Variants in NRG1 observed in about 807,000 individuals in gnomAD.
NRG1 encodes the protein pro-neuregulin-1, membrane-bound isoform.
NRG1 carries 18 observed loss-of-function variants against 63.8 expected under a neutral mutation model. That is an observed-to-expected ratio of 0.28 (90% CI 0.19 to 0.42). The LOEUF (loss-of-function observed/expected upper bound fraction) is 0.42. NRG1 is among the 10% of genes least tolerant of loss of function. NRG1 has a pLI of 1.00. For synonymous variants in NRG1, 302 were observed against 301.3 expected, an observed-to-expected ratio of 1.00 and a Z score of -0.02; for missense variants, 762 against 814.7, an observed-to-expected ratio of 0.94 and a Z score of 0.79.
intron 1 of NRG1, among the ~76,000 whole-genome samples, chr8:32,151,471 G>A (rs1837489534): frequency 6.6e-6 from 1 of 152,156 alleles, no homozygotes; most frequent in Non-Finnish European, 1.5e-5. Context: ...GGGAAAGTGA[G>A]TCTGGGATTG....
At chr8:32,239,707 C>G (rs922361766) in intron 1 of NRG1, among the ~76,000 whole-genome samples, 2 of 151,986 alleles carry the variant, frequency 1.3e-5, no homozygotes, top group Non-Finnish European at 2.9e-5. Flanking sequence ...CTCAAAACTC[C>G]ACAGTAAAAT....
chr8:31,794,131 G>A (rs1820973407), intron 1 of NRG1, among the ~76,000 whole-genome samples: 1 of 152,056 alleles, frequency 6.6e-6, no homozygotes, highest in African/African-American at 2.4e-5. Context: ...AGAAAGGCAT[G>A]GTTTGTATTA....
intron 1 of NRG1, among the ~76,000 whole-genome samples, chr8:31,922,061 G>T (rs1194631354): frequency 1.3e-5 from 2 of 152,124 alleles, no homozygotes; most frequent in Non-Finnish European, 2.9e-5. Context: ...TGAAATGCCA[G>T]CCCTGGAATT....
intron 1 of NRG1, among the ~76,000 whole-genome samples, chr8:31,762,669 C>A (rs1052727444): frequency 6.6e-6 from 1 of 152,040 alleles, no homozygotes; most frequent in African/African-American, 2.4e-5. Context: ...AGTTACAATG[C>A]TGGATAGCAG....
At chr8:32,371,816 G>T (rs895051157) in intron 1 of NRG1, among the ~76,000 whole-genome samples, 1 of 152,038 alleles carries the variant, frequency 6.6e-6, no homozygotes, top group Admixed American at 6.6e-5. Context: ...TCATTGTGGA[G>T]CTTCCCCAGC....
intron 1 of NRG1, among the ~76,000 whole-genome samples, chr8:31,932,495 T>C (rs768919293): frequency 6.6e-6 from 1 of 152,194 alleles, no homozygotes; most frequent in African/African-American, 2.4e-5. Context: ...CCTAGGAGGA[T>C]TGAAACATTC....
chr8:31,809,996 G>C (rs1306970701), intron 1 of NRG1, among the ~76,000 whole-genome samples: 1 of 151,866 alleles, frequency 6.6e-6, no homozygotes, highest in Non-Finnish European at 1.5e-5. Flanking sequence ...AGAAGGATGG[G>C]TCTGCTCCTT....
chr8:32,669,449 GA>G (rs1477222743), intron 5 of NRG1, among the ~76,000 whole-genome samples: 2 of 152,102 alleles, frequency 1.3e-5, no homozygotes, highest in African/African-American at 2.4e-5. Context: ...GTGGACCTCA[GA>G]AAAAGGAAAT....
intron 1 of NRG1, among the ~76,000 whole-genome samples, chr8:31,642,658 T>C (rs1803909054): frequency 6.6e-6 from 1 of 152,194 alleles, no homozygotes; most frequent in Admixed American, 6.5e-5. Flanking sequence ...TGTGGCACGT[T>C]TTAAAAAAAT....
chr8:32,254,848 G>A (rs761801992), intron 1 of NRG1, among the ~76,000 whole-genome samples: 1 of 152,066 alleles, frequency 6.6e-6, no homozygotes, highest in East Asian at 1.9e-4. Context: ...TATGAATCTG[G>A]GTGCTCCTCA....
At chr8:32,267,329 A>G (rs1363688165) in intron 1 of NRG1, among the ~76,000 whole-genome samples, 1 of 152,124 alleles carries the variant, frequency 6.6e-6, no homozygotes, top group Non-Finnish European at 1.5e-5. Flanking sequence ...AAGGCCAAAA[A>G]TCCACTATTC....
At chr8:32,698,645 C>G (rs370307403) in intron 5 of NRG1, among the ~76,000 whole-genome samples, 1 of 152,142 alleles carries the variant, frequency 6.6e-6, no homozygotes, top group East Asian at 1.9e-4. Context: ...GGAGCAAAGG[C>G]CCCTTCTTCA....
chr8:31,820,938 G>T (rs1357409847), intron 1 of NRG1, among the ~76,000 whole-genome samples: 1 of 152,084 alleles, frequency 6.6e-6, no homozygotes, highest in East Asian at 1.9e-4. Flanking sequence ...ATACCCTTGG[G>T]GAATTGGTTC....
At chr8:31,695,573 A>T (rs1809976956) in intron 1 of NRG1, among the ~76,000 whole-genome samples, 1 of 152,208 alleles carries the variant, frequency 6.6e-6, no homozygotes, top group Non-Finnish European at 1.5e-5. Flanking sequence ...ATCACTTCCC[A>T]CCAGATCCCT....
rs541887665 is a variant in NRG1 at position 31,794,764 on chromosome 8, G to A, written c.37+155333G>A. 3.3e-5 allele frequency among the ~76,000 whole-genome samples: 5 copies of A among 152,124 alleles called. No individual in the cohort carries two copies. The East Asian group carries it at 7.7e-4, about 24-fold the overall frequency. On this transcript the variant is annotated intron_variant, in intron 1 of 10. Transcript: ENST00000519301. ...GATATAGTAGTCTACCTCAGAAAGA[G>A]ATTTATTGAGTCTATGATGCTGAAT...
At chr8:32,245,846 G>A (rs1848545798) in intron 1 of NRG1, among the ~76,000 whole-genome samples, 1 of 152,066 alleles carries the variant, frequency 6.6e-6, no homozygotes, top group Non-Finnish European at 1.5e-5. Flanking sequence ...GCTATATCAA[G>A]AACTCACCAA....
chr8:31,758,019 G>T (rs1461880644), intron 1 of NRG1, among the ~76,000 whole-genome samples: 1 of 151,920 alleles, frequency 6.6e-6, no homozygotes, highest in Non-Finnish European at 1.5e-5. Flanking sequence ...TCATATAAAT[G>T]GAAACATACA....
At chr8:32,503,211 A>G (rs905285262) in intron 1 of NRG1, among the ~76,000 whole-genome samples, 1 of 141,712 alleles carries the variant, frequency 7.1e-6, no homozygotes, top group African/African-American at 2.6e-5. Flanking sequence ...GGCGTGAACC[A>G]GGGAGGCGGA....
rs1222665074 is a variant in NRG1 at position 32,616,904 on chromosome 8, T to A, written c.502+19T>A. 1 of 1,547,098 alleles carries A rather than the reference T, an allele frequency of 6.5e-7. No homozygotes were observed. The highest frequency in any genetic ancestry group is 2.2e-5 in the East Asian group (1 of 44,512). On this transcript the variant is annotated intron_variant, in intron 5 of 11. Coordinates refer to ENST00000356819, the Ensembl canonical transcript of NRG1. ...TCTTCATGTAAGTATACTTAAATAT[T>A]CTATTCACTGGTTTTTAACCCAAGG...
Sources: gnomAD v4.1 joint callset for allele counts (sites outside exome capture counted in the v4.1 genomes callset) on GRCh38, gnomAD v4.1.1 for gene constraint, MANE v1.5 for transcripts, NCBI Gene and HGNC (gene_info 2026-07-23, HGNC 2026-07-21) for gene names.